Variants in ATAD3B observed in about 807,000 individuals in gnomAD.
ATAD3B encodes the protein ATPase family AAA domain-containing protein 3B.
In ATAD3B, 59 loss-of-function variants were observed where a neutral mutation model predicts 70.2. That is an observed-to-expected ratio of 0.84 (90% CI 0.68 to 1.04). ATAD3B has a LOEUF of 1.04. Ranked by LOEUF, ATAD3B falls within the 50% of genes least tolerant of loss-of-function variation. The probability of loss-of-function intolerance (pLI) is 0.00; values close to 1 mark genes in which losing one functional copy is unlikely to be tolerated. For synonymous variants in ATAD3B, 423 were observed against 388.6 expected (o/e 1.09, Z -1.04); for missense variants, 961 against 913.4 (o/e 1.05, Z -0.67).
chr1:1,499,193 G>T (rs900365065), downstream of ATAD3B, among the ~76,000 whole-genome samples: 8 of 149,298 alleles, frequency 5.4e-5, no homozygotes, highest in Admixed American at 1.3e-4. Flanking sequence ...GGATGGTCTC[G>T]ATCTCCTGAC....
intron 10 of ATAD3B, 128 bp from the exon 11 acceptor site, chr1:1,486,413 TCTC>T (rs1424165092): frequency 6.3e-7 from 1 of 1,595,666 alleles, no homozygotes; most frequent in Non-Finnish European, 8.5e-7. Flanking sequence ...GCGGGGGACG[TCTC>T]CTGTCTGGCA....
At chr1:1,500,724 C>A (rs1336006549), downstream of ATAD3B, among the ~76,000 whole-genome samples, 3 of 151,268 alleles carry the variant, frequency 2.0e-5, no homozygotes, top group South Asian at 4.2e-4. Context: ...GAGGCCGAGG[C>A]GGGCGGATCA....
At chr1:1,508,525 G>T in the ATAD3B span, among the ~76,000 whole-genome samples, 1 of 151,356 alleles carries the variant, frequency 6.6e-6, no homozygotes. Context: ...TGAGCACGGC[G>T]CCCAGTGGGG....
In ATAD3B at chr1:1,494,949, C is replaced by T. The variant is rs151240058; in HGVS notation, c.1615-536C>T. Among the ~76,000 whole-genome samples the T allele has an allele frequency of 8.6e-4, 131 of 152,190 alleles. 1 individual carries two copies. Among genetic ancestry groups the T allele is most frequent in the African/African-American group, 3.0e-3 (124 of 41,558 alleles). On this transcript the variant is annotated intron_variant, in intron 15 of 15. Transcript: ENST00000673477. ...GCTGCTGCACCTGAGGTGCCTAAGG[C>T]GACACCAAGGGCCACAGCCCCAGTA...
Position 1,490,248 on chromosome 1 carries a change from GTCCTACAGAT to G in ATAD3B, c.1338-6_1341del, listed in dbSNP as rs1484543519. The G allele has an allele frequency of 6.2e-7, 1 of 1,610,994 alleles. No homozygotes were observed. Among genetic ancestry groups the G allele is most frequent in the East Asian group, 2.2e-5 (1 of 44,812 alleles). On this transcript the variant is annotated splice_acceptor_variant and splice_polypyrimidine_tract_variant and coding_sequence_variant and intron_variant, in exon 14 of 16. Transcript: ENST00000673477. LOFTEE classifies it high-confidence loss of function. Reference sequence around the variant, plus strand: ...CCCCAGCGTTTCCTTCCCCATCCCTGTCCTACAGATTCATGCTGGTCCTGGCCAGCAATCT... The same window carrying G: ...CCCCAGCGTTTCCTTCCCCATCCCTGTCATGCTGGTCCTGGCCAGCAATCT...
intron 1 of ATAD3B, among the ~76,000 whole-genome samples, chr1:1,472,704 C>T (rs1258005850): frequency 6.6e-6 from 1 of 152,070 alleles, no homozygotes; most frequent in Non-Finnish European, 1.5e-5. Context: ...CCCCAGCCTT[C>T]CTTTCCCCTG....
chr1:1,487,934 T>C lies in ATAD3B; in HGVS notation c.1266+20T>C. ...GCCACTGTGAGTGTCACTAAGCCTCTGTCTGGCCACAGGAGGGTGGTCGGG... is the reference window on the plus strand; with the variant it reads ...GCCACTGTGAGTGTCACTAAGCCTCCGTCTGGCCACAGGAGGGTGGTCGGG... On this transcript the variant is annotated intron_variant, in intron 12 of 15. Transcript: ENST00000673477. 1 of 1,612,672 alleles carries C rather than the reference T, an allele frequency of 6.2e-7. No individual in the cohort carries two copies. The highest frequency in any genetic ancestry group is 8.5e-7 in the Non-Finnish European group (1 of 1,179,122).
At chr1:1,500,253 A>G (rs1328451715), downstream of ATAD3B, among the ~76,000 whole-genome samples, 2 of 141,656 alleles carry the variant, frequency 1.4e-5, no homozygotes, top group African/African-American at 5.1e-5. Context: ...GGAGTTTGGG[A>G]TTTTAATTAT....
intron 11 of ATAD3B, among the ~76,000 whole-genome samples, chr1:1,487,546 C>T (rs143440912): frequency 1.3e-5 from 2 of 151,574 alleles, no homozygotes; most frequent in African/African-American, 4.8e-5. Context: ...CACTGGGTCG[C>T]TGTGTGGGTG....
At chr1:1,503,252 G>T in the ATAD3B span, 2 of 241,834 alleles carry the variant, frequency 8.3e-6, no homozygotes, top group Non-Finnish European at 8.3e-6. Flanking sequence ...AAAAGCATAT[G>T]TATCATGATA....
At chr1:1,499,173 G>C (rs1400795861), downstream of ATAD3B, among the ~76,000 whole-genome samples, 1 of 150,488 alleles carries the variant, frequency 6.6e-6, no homozygotes, top group Non-Finnish European at 1.5e-5. Context: ...GGGTTTCACC[G>C]TGTTAGCCAG....
At chr1:1,502,773 A>G (rs1045616965), downstream of ATAD3B, among the ~76,000 whole-genome samples, 1 of 150,784 alleles carries the variant, frequency 6.6e-6, no homozygotes, top group African/African-American at 2.4e-5. Flanking sequence ...CGGCCTCCCA[A>G]AGTGCTGGGA....
At position 1,497,758 on chromosome 1, in the gene ATAD3B, C is replaced by CG. The variant is rs1640837638; in HGVS notation, c.*1944dup. ...GTAGGTGACTGTAATCCCAGCTACT[C>CG]GGGAGGCTGAGGCAGGAGACTCGCT... On this transcript the variant is annotated 3_prime_UTR_variant, in exon 16 of 16. Transcript: ENST00000673477. The CG allele has an allele frequency of 6.7e-6, 1 of 148,352 alleles. No individual in the cohort carries two copies. The highest frequency in any genetic ancestry group is 2.5e-5 in the African/African-American group (1 of 39,572). 9.2% of individuals were successfully genotyped at this position (148,352 alleles called of 1,614,324 possible). A position where few individuals can be genotyped will look rare whatever the true frequency, so the allele number is the denominator to read the frequency against.
downstream of ATAD3B, among the ~76,000 whole-genome samples, chr1:1,500,408 C>T (rs1280695095): frequency 6.9e-5 from 10 of 145,698 alleles, no homozygotes; most frequent in South Asian, 2.2e-4. Flanking sequence ...AAAAAATAGC[C>T]GGGCGTGGTG....
Position 1,485,633 on chromosome 1 carries a change from C to T in ATAD3B, c.907-149C>T, listed in dbSNP as rs548498545. On this transcript the variant is annotated intron_variant, in intron 8 of 15. Coordinates refer to ENST00000673477, the MANE Select transcript of ATAD3B (RefSeq NM_031921.6). The stretch of plus-strand genomic sequence containing the variant: ...TCCCAGCAATAGCCTCCTGGTCTCC[C>T]GGCGGGGCAGGGTTCCAGCTCCGGG... 1.5e-5 allele frequency: 20 copies of T among 1,318,132 alleles called. No individual in the cohort carries two copies. In the Admixed American group the frequency reaches 1.9e-4, roughly 13 times the overall value. 81.7% of individuals were successfully genotyped at this position (1,318,132 alleles called of 1,614,324 possible).
intron 4 of ATAD3B, 69 bp from the exon 5 acceptor site, chr1:1,480,798 C>T: frequency 6.3e-7 from 1 of 1,589,128 alleles, no homozygotes. Flanking sequence ...GCGGACGCAA[C>T]CTCTGGATTG....
chr1:1,498,158 G>T (rs945956101), downstream of ATAD3B, among the ~76,000 whole-genome samples: 8 of 151,824 alleles, frequency 5.3e-5, no homozygotes, highest in Non-Finnish European at 8.8e-5. Flanking sequence ...ACGAAAGTTA[G>T]CCGGCATGGT....
chr1:1,507,562 A>AT, the ATAD3B span, among the ~76,000 whole-genome samples: 2 of 152,052 alleles, frequency 1.3e-5, no homozygotes, highest in African/African-American at 4.8e-5. Context: ...AGGGTGTATA[A>AT]TTTTTTTATT....
At chr1:1,486,428 G>C (rs1640220389) in intron 10 of ATAD3B, 116 bp from the exon 11 acceptor site, 3 of 1,605,420 alleles carry the variant, frequency 1.9e-6, no homozygotes, top group Middle Eastern at 1.7e-4. Context: ...TGTCTGGCAG[G>C]CTGTGGCTTC....
Sources: allele counts gnomAD v4.1 joint callset (sites outside exome capture counted in the v4.1 genomes callset), GRCh38; gene constraint gnomAD v4.1.1; transcripts MANE v1.5; gene names NCBI Gene and HGNC (gene_info 2026-07-23, HGNC 2026-07-21).